Variants in CASTOR2 observed in about 807,000 individuals in gnomAD.
The protein encoded by CASTOR2 is cytosolic arginine sensor for mTORC1 subunit 2.
A neutral mutation model predicts 31.2 loss-of-function variants in CASTOR2; 8 were observed. That is an observed-to-expected ratio of 0.26 (90% CI 0.15 to 0.46). CASTOR2 has a LOEUF of 0.46. CASTOR2 is among the 20% of genes least tolerant of loss of function. The probability of loss-of-function intolerance (pLI) is 0.99; values close to 1 mark genes in which losing one functional copy is unlikely to be tolerated. For missense variants in CASTOR2, 216 were observed against 382.1 expected (o/e 0.57, Z 3.62); for synonymous variants, 162 against 158.7 (o/e 1.02, Z -0.16).
At chr7:74,975,675 G>T (rs1803789774) in intron 1 of CASTOR2, among the ~76,000 whole-genome samples, 1 of 115,354 alleles carries the variant, frequency 8.7e-6, no homozygotes, top group Non-Finnish European at 1.8e-5. Context: ...CTGGGCGACA[G>T]AGCCAGACTC....
chr7:75,018,769 A>G (rs1804925300), intron 4 of CASTOR2, among the ~76,000 whole-genome samples: 1 of 152,248 alleles, frequency 6.6e-6, no homozygotes, highest in Admixed American at 6.5e-5. Flanking sequence ...CCAGCACAGC[A>G]TGTGCAAAGG....
chr7:74,986,928 C>T (rs1296383802), intron 1 of CASTOR2, among the ~76,000 whole-genome samples: 9 of 152,148 alleles, frequency 5.9e-5, no homozygotes, highest in South Asian at 4.2e-4. Flanking sequence ...TGGTGGCACA[C>T]GCCTGTAGTC....
Position 75,030,885 on chromosome 7 carries a change from G to A in CASTOR2, c.*6186G>A, listed in dbSNP as rs1229119735. ...TTCACAGGGAGAGTTTGTGGGGGCC[G>A]GCACTCCCTCATCTACTGGGGCTCA... is the stretch of plus-strand genomic sequence containing the variant. On this transcript the variant is annotated 3_prime_UTR_variant, in exon 9 of 9. Transcript: ENST00000616305. Among the ~76,000 whole-genome samples, 5 of 152,124 alleles carry A rather than the reference G, an allele frequency of 3.3e-5. No homozygotes were observed. Among genetic ancestry groups the A allele is most frequent in the Admixed American group, 6.5e-5 (1 of 15,272 alleles).
Position 75,024,765 on chromosome 7 carries a change from C to G in CASTOR2, c.*66C>G, listed in dbSNP as rs1805082523. The stretch of plus-strand genomic sequence containing the variant: ...GCCCTAACCCTGAAGATTGATCTTG[C>G]AGTATTTCTCTACAGACTGGAAAAT... On this transcript the variant is annotated 3_prime_UTR_variant, in exon 9 of 9. Transcript: ENST00000616305. 1.3e-6 allele frequency: 2 copies of G among 1,551,422 alleles called. No homozygotes were observed. Among genetic ancestry groups the G allele is most frequent in the Admixed American group, 2.0e-5 (1 of 50,994 alleles).
intron 7 of CASTOR2, among the ~76,000 whole-genome samples, chr7:75,023,689 C>T (rs1805061094): frequency 6.6e-6 from 1 of 152,004 alleles, no homozygotes; most frequent in African/African-American, 2.4e-5. Context: ...ATCCACCCGC[C>T]TCGGCCTCCC....
At chr7:75,000,004 A>G (rs1296553045) in intron 1 of CASTOR2, among the ~76,000 whole-genome samples, 3 of 152,096 alleles carry the variant, frequency 2.0e-5, no homozygotes, top group African/African-American at 7.2e-5. Flanking sequence ...GCTTGGGAGG[A>G]TCGCTTGAGG....
chr7:74,984,464 C>T (rs1248289725), intron 1 of CASTOR2, among the ~76,000 whole-genome samples: 16 of 152,092 alleles, frequency 1.1e-4, no homozygotes, highest in African/African-American at 3.6e-4. Flanking sequence ...TTGGGACCTG[C>T]CAACCATGGT....
intron 1 of CASTOR2, among the ~76,000 whole-genome samples, chr7:74,986,783 C>T (rs1443518996): frequency 1.3e-5 from 2 of 152,190 alleles, no homozygotes; most frequent in African/African-American, 2.4e-5. Context: ...CAGTGGCTCA[C>T]GCCTGTCATC....
At position 75,028,074 on chromosome 7, in the gene CASTOR2, AG is replaced by A; in HGVS notation, c.*3377del. The A allele has an allele frequency of 1.3e-6, 2 of 1,531,060 alleles. No individual in the cohort carries two copies. Among genetic ancestry groups the A allele is most frequent in the South Asian group, 2.4e-5 (2 of 83,692 alleles). The allele number at this position is 1,531,060 out of a possible 1,614,324, so 94.8% of individuals were successfully genotyped here. Reference sequence around the variant, plus strand: ...TTGTCTTGGCGCTGGCGGATGGGGCAGGTGCCTGGCGGGGGAGGAAGAGGGC... The same window carrying A: ...TTGTCTTGGCGCTGGCGGATGGGGCAGTGCCTGGCGGGGGAGGAAGAGGGC... On this transcript the variant is annotated 3_prime_UTR_variant, in exon 9 of 9. Transcript: ENST00000616305.
intron 2 of CASTOR2, among the ~76,000 whole-genome samples, chr7:75,014,957 G>A (rs1761648457): frequency 6.6e-6 from 1 of 152,224 alleles, no homozygotes; most frequent in South Asian, 2.1e-4. Context: ...CGAAGCCTGC[G>A]GCTTTGATAA....
intron 7 of CASTOR2, among the ~76,000 whole-genome samples, chr7:75,022,717 T>G (rs1805034533): frequency 1.3e-5 from 2 of 152,274 alleles, no homozygotes; most frequent in South Asian, 4.1e-4. Flanking sequence ...GAGAATCGCT[T>G]GAACCCAGGA....
intron 6 of CASTOR2, 35 bp from the exon 7 acceptor site, chr7:75,021,839 C>G (rs1405110431): frequency 1.3e-6 from 2 of 1,551,098 alleles, no homozygotes; most frequent in African/African-American, 2.7e-5. Flanking sequence ...CAATTCACAT[C>G]AGCCTCGGGG....
chr7:74,999,416 G>A (rs1804438454), intron 1 of CASTOR2, among the ~76,000 whole-genome samples: 1 of 151,876 alleles, frequency 6.6e-6, no homozygotes, highest in Non-Finnish European at 1.5e-5. Flanking sequence ...GCAGCTTCTA[G>A]TTGCTAAGGA....
At chr7:75,016,484 C>G (rs1230060010) in intron 2 of CASTOR2, among the ~76,000 whole-genome samples, 3 of 152,202 alleles carry the variant, frequency 2.0e-5, no homozygotes, top group African/African-American at 7.2e-5. Flanking sequence ...TTCAGGGGCC[C>G]TCCTGGAGTT....
At position 75,015,968 on chromosome 7, in the gene CASTOR2, G is replaced by A. The variant is rs1165525714; in HGVS notation, c.185-1630G>A. On this transcript the variant is annotated intron_variant, in intron 2 of 8. Coordinates refer to ENST00000616305, the MANE Select transcript of CASTOR2 (RefSeq NM_001145064.3). ...TCTAATCCCAGCTACTCGGGAGGCC[G>A]AGGCAGGAGAATTGCTTGAACCAGG... Among the ~76,000 whole-genome samples the A allele has an allele frequency of 1.2e-3, 176 of 152,250 alleles. 1 individual carries two copies. The highest frequency in any genetic ancestry group is 1.8e-4 in the Non-Finnish European group (12 of 68,016).
chr7:75,012,225 G>A (rs1385572471), intron 2 of CASTOR2, among the ~76,000 whole-genome samples: 10 of 152,172 alleles, frequency 6.6e-5, no homozygotes, highest in Admixed American at 6.6e-4. Context: ...GGTGGGCCTA[G>A]GGGCTGCAGT....
chr7:75,022,822 TAAA>T (rs1242914611), intron 7 of CASTOR2, among the ~76,000 whole-genome samples: 1 of 151,816 alleles, frequency 6.6e-6, no homozygotes, highest in Non-Finnish European at 1.5e-5. Flanking sequence ...AAATTTAATT[TAAA>T]AAAGAATAAA....
chr7:75,023,339 C>T (rs906652618), intron 7 of CASTOR2, among the ~76,000 whole-genome samples: 1 of 152,072 alleles, frequency 6.6e-6, no homozygotes, highest in Non-Finnish European at 1.5e-5. Context: ...GAAACACTTT[C>T]TCCTATATAA....
At chr7:74,975,268 A>G (rs1426914530) in intron 1 of CASTOR2, among the ~76,000 whole-genome samples, 1 of 150,968 alleles carries the variant, frequency 6.6e-6, no homozygotes, top group Non-Finnish European at 1.5e-5. Context: ...CGCCTGGCCA[A>G]CTGTGGTAGT....
Sources: allele counts gnomAD v4.1 joint callset (sites outside exome capture counted in the v4.1 genomes callset), GRCh38; gene constraint gnomAD v4.1.1; transcripts MANE v1.5; gene names NCBI Gene and HGNC (gene_info 2026-07-23, HGNC 2026-07-21).